The following SELENOI variants were observed in gnomAD, a reference collection of about 807,000 sequenced individuals.
The protein encoded by SELENOI is selenoprotein I.
SELENOI carries 24 observed loss-of-function variants against 50.7 expected under a neutral mutation model. The observed-to-expected ratio is 0.47, with a 90% CI of 0.34 to 0.67. SELENOI has a LOEUF of 0.67. Ranked by LOEUF, SELENOI falls within the 30% of genes least tolerant of loss-of-function variation. The probability of loss-of-function intolerance (pLI) is 0.01; values close to 1 mark genes in which losing one functional copy is unlikely to be tolerated. For synonymous variants in SELENOI, 155 were observed against 170.2 expected (o/e 0.91, Z 0.70); for missense variants, 352 against 461.4 (o/e 0.76, Z 2.17).
chr2:26,395,308 G>A lies in SELENOI; in HGVS notation c.*6205G>A, dbSNP rs1162459689. The A allele has an allele frequency of 1.3e-5, 2 of 152,172 alleles. No homozygotes were observed. The highest frequency in any genetic ancestry group is 2.4e-5 in the African/African-American group (1 of 41,434). The allele number at this position is 152,172 out of a possible 1,614,324, so 9.4% of individuals were successfully genotyped here. On this transcript the variant is annotated 3_prime_UTR_variant, in exon 10 of 10. Coordinates refer to ENST00000260585, the MANE Select transcript of SELENOI (RefSeq NM_033505.4). ...TTACTCTGAAGCCTCTTCCTGATCTGGAGCCACAGTCTGTCTGTCTTCCAG... is the reference window on the plus strand; with the variant it reads ...TTACTCTGAAGCCTCTTCCTGATCTAGAGCCACAGTCTGTCTGTCTTCCAG...
chr2:26,359,162 G>T lies in SELENOI; in HGVS notation c.58-5140G>T, dbSNP rs536136419. On this transcript the variant is annotated intron_variant, in intron 1 of 9. Transcript: ENST00000260585. ...ATTTGTTGCAAAGACCATATGGCCT[G>T]CAAAGCCTCAAATATTTACTATATA... 2.0e-5 allele frequency among the ~76,000 whole-genome samples: 3 copies of T among 152,256 alleles called. No individual in the cohort carries two copies. The East Asian group carries it at 5.8e-4, about 29-fold the overall frequency.
intron 7 of SELENOI, among the ~76,000 whole-genome samples, chr2:26,383,649 T>TG (rs1677758839): frequency 6.6e-6 from 1 of 152,170 alleles, no homozygotes; most frequent in African/African-American, 2.4e-5. Flanking sequence ...GAGGCCGAGG[T>TG]GGGCGGATCA....
At chr2:26,374,589 A>G (rs1390857151) in intron 5 of SELENOI, among the ~76,000 whole-genome samples, 2 of 136,294 alleles carry the variant, frequency 1.5e-5, no homozygotes, top group South Asian at 2.3e-4. Context: ...TTTTTTTGAG[A>G]CAGAATTTCG....
chr2:26,385,196 T>C (rs1677813778), intron 8 of SELENOI, 57 bp downstream of exon 8: 1 of 1,043,824 alleles, frequency 9.6e-7, no homozygotes, highest in African/African-American at 1.7e-5. Flanking sequence ...TGACAGAATT[T>C]GATAATTTGA....
At chr2:26,384,277 T>C (rs959112876) in intron 7 of SELENOI, among the ~76,000 whole-genome samples, 1 of 152,252 alleles carries the variant, frequency 6.6e-6, no homozygotes, top group Non-Finnish European at 1.5e-5. Context: ...CTGGCAGTTA[T>C]TTATAGAAGC....
intron 1 of SELENOI, among the ~76,000 whole-genome samples, chr2:26,364,012 G>A (rs1345236699): frequency 6.6e-6 from 1 of 151,802 alleles, no homozygotes; most frequent in African/African-American, 2.4e-5. Context: ...CGAAGTGCTA[G>A]GATTATAGGT....
intron 6 of SELENOI, among the ~76,000 whole-genome samples, chr2:26,377,313 T>C (rs1283287438): frequency 3.3e-5 from 5 of 152,148 alleles, no homozygotes; most frequent in African/African-American, 1.2e-4. Flanking sequence ...GTTGAGCCCA[T>C]CTAGGAAGTC....
chr2:26,369,169 A>G (rs1008108055), intron 4 of SELENOI, among the ~76,000 whole-genome samples: 1 of 152,188 alleles, frequency 6.6e-6, no homozygotes, highest in Non-Finnish European at 1.5e-5. Flanking sequence ...CTGTAAAATG[A>G]AGGTATTCTA....
rs1488855110 is a variant in SELENOI at position 26,351,053 on chromosome 2, T to TG, written c.57+4764_57+4765insG. The stretch of plus-strand genomic sequence containing the variant: ...AGAGAATTGGTTGTTCACTGTTTGT[T>TG]TGTTTTTTTTTTTTTTTTTTTTTGA... On this transcript the variant is annotated intron_variant, in intron 1 of 9. Coordinates refer to ENST00000260585, the MANE Select transcript of SELENOI (RefSeq NM_033505.4). 2.2e-3 allele frequency among the ~76,000 whole-genome samples: 254 copies of TG among 113,864 alleles called. 5 individuals carry two copies. Among genetic ancestry groups the TG allele is most frequent in the African/African-American group, 0.01 (217 of 20,838 alleles). 74.7% of individuals were successfully genotyped at this position (113,864 alleles called of 152,430 possible).
Position 26,375,053 on chromosome 2 carries a change from T to C in SELENOI, c.587T>C (p.Val196Ala). ...YDISQVTISF[V>A]YIVTAVVGVE... is the part of the protein sequence containing the mutation. The stretch of plus-strand genomic sequence containing the variant: ...TTTTCCTTCCAGACTATTTCTTTTG[T>C]CTACATAGTGACTGCAGTTGTGGGA... Residue 196 changes from valine to alanine, a missense_variant, in exon 6 of 10, where the codon GTC becomes GCC. Coordinates refer to ENST00000260585, the MANE Select transcript of SELENOI (RefSeq NM_033505.4). 6.2e-7 allele frequency: 1 copy of C among 1,612,430 alleles called. No individual in the cohort carries two copies. Among genetic ancestry groups the C allele is most frequent in the South Asian group, 1.1e-5 (1 of 91,026 alleles).
chr2:26,359,159 C>A (rs1677124265), intron 1 of SELENOI, among the ~76,000 whole-genome samples: 1 of 152,108 alleles, frequency 6.6e-6, no homozygotes, highest in Non-Finnish European at 1.5e-5. Flanking sequence ...GACCATATGG[C>A]CTGCAAAGCC....
intron 4 of SELENOI, among the ~76,000 whole-genome samples, chr2:26,368,540 A>G (rs1677338579): frequency 6.6e-6 from 1 of 152,222 alleles, no homozygotes; most frequent in African/African-American, 2.4e-5. Flanking sequence ...TATTCTACCT[A>G]GTGTGACTAT....
intron 6 of SELENOI, among the ~76,000 whole-genome samples, chr2:26,375,408 A>T (rs1357180266): frequency 6.6e-6 from 1 of 152,228 alleles, no homozygotes; most frequent in Non-Finnish European, 1.5e-5. Flanking sequence ...TAAAGTGACT[A>T]TTCAAATTAA....
At chr2:26,346,561 T>C in intron 1 of SELENOI, 1 of 328,316 alleles carries the variant, frequency 3.0e-6, no homozygotes. Context: ...TCCCTTCCTA[T>C]TTTTTTTAAA....
At chr2:26,379,022 A>C (rs917363524) in intron 6 of SELENOI, among the ~76,000 whole-genome samples, 96 of 152,218 alleles carry the variant, frequency 6.3e-4, no homozygotes, top group African/African-American at 2.3e-3. Context: ...CACCTATAAT[A>C]CCAGAACTTT....
At chr2:26,387,651 G>T (rs1488867182) in intron 9 of SELENOI, among the ~76,000 whole-genome samples, 3 of 146,676 alleles carry the variant, frequency 2.0e-5, no homozygotes, top group Non-Finnish European at 4.5e-5. Flanking sequence ...AGCTGAGATG[G>T]TGCCACTGTG....
chr2:26,364,953 C>G lies in SELENOI; in HGVS notation c.235+13C>G. 12 of 1,514,610 alleles carry G rather than the reference C, an allele frequency of 7.9e-6. No individual in the cohort carries two copies. Among genetic ancestry groups the G allele is most frequent in the Non-Finnish European group, 1.1e-5 (12 of 1,122,478 alleles). The allele number at this position is 1,514,610 out of a possible 1,614,324, so 93.8% of individuals were successfully genotyped here. Reference sequence around the variant, plus strand: ...TTTTATGCCTCAGGTAAGAATATTACTTTATTATAAAATTTAACTGAGTAG... The same window carrying G: ...TTTTATGCCTCAGGTAAGAATATTAGTTTATTATAAAATTTAACTGAGTAG... On this transcript the variant is annotated intron_variant, in intron 3 of 9. Coordinates refer to ENST00000260585, the MANE Select transcript of SELENOI (RefSeq NM_033505.4).
At chr2:26,370,843 C>T (rs1253352757) in intron 4 of SELENOI, among the ~76,000 whole-genome samples, 1 of 139,138 alleles carries the variant, frequency 7.2e-6, no homozygotes, top group African/African-American at 2.7e-5. Flanking sequence ...GACACCCCCA[C>T]CTCCCTCCCG....
At chr2:26,358,862 C>A (rs537073399) in intron 1 of SELENOI, among the ~76,000 whole-genome samples, 71 of 152,188 alleles carry the variant, frequency 4.7e-4, no homozygotes, top group Non-Finnish European at 8.8e-4. Context: ...TTAGTTGTCC[C>A]GGGAATTAAT....
Sources: gnomAD v4.1 joint callset for allele counts (sites outside exome capture counted in the v4.1 genomes callset) on GRCh38, gnomAD v4.1.1 for gene constraint, MANE v1.5 for transcripts, NCBI Gene and HGNC (gene_info 2026-07-23, HGNC 2026-07-21) for gene names.